Variants in DNAH11 observed in about 807,000 individuals in gnomAD.
DNAH11 encodes the protein dynein axonemal heavy chain 11, also known as axonemal beta dynein heavy chain 11.
A neutral mutation model predicts 526.0 loss-of-function variants in DNAH11; 442 were observed. The observed-to-expected ratio is 0.84, with a 90% CI of 0.78 to 0.91. DNAH11 has a LOEUF of 0.91. Among genes scored for constraint, DNAH11 ranks in the 40% least tolerant of loss-of-function variants. DNAH11 has a pLI of 0.00. For missense variants in DNAH11, 6,989 were observed against 5,448.7 expected (o/e 1.28, Z -8.90); for synonymous variants, 2,461 against 1,935.9 (o/e 1.27, Z -7.12).
rs369261194 is a variant in DNAH11, at chr7:21,842,589, T to A, written c.10737T>A (p.Phe3579Leu). 1 of 1,613,942 alleles carries A rather than the reference T, an allele frequency of 6.2e-7. No homozygotes were observed. Among genetic ancestry groups the A allele is most frequent in the Non-Finnish European group, 8.5e-7 (1 of 1,179,874 alleles). Residue 3579 changes from phenylalanine to leucine, a missense_variant, in exon 66 of 82, where the codon TTT becomes TTA. Phe to Leu is a conservative substitution (Grantham distance 22). Transcript: ENST00000409508. ...AAGAATGTGAATTTAACAAGAACTT[T>A]CGCCTTATCCTTCACACAAAATTGG... Reference protein sequence around the residue: ...GDKECEFNKNFRLILHTKLAN... With the variant: ...GDKECEFNKNLRLILHTKLAN...
Position 21,717,801 on chromosome 7 carries a change from G to A in DNAH11, c.7010G>A (p.Arg2337Lys), listed in dbSNP as rs778482831. 6.2e-7 allele frequency: 1 copy of A among 1,613,812 alleles called. No individual in the cohort carries two copies. Among genetic ancestry groups the A allele is most frequent in the South Asian group, 1.1e-5 (1 of 91,076 alleles). Residue 2337 changes from arginine (R) to lysine (K), a missense_variant, in exon 43 of 82, where the codon AGG (arginine) becomes AAG (lysine). Coordinates refer to ENST00000409508, the MANE Select transcript of DNAH11 (RefSeq NM_001277115.2). ...TATGTGGCCAGTTGGATAGACAGAA[G>A]GCGGCATCAATCAGAAAAGGCCAAT... is the stretch of plus-strand genomic sequence containing the variant. ...NPYVASWIDR[R>K]RHQSEKANLT...
At chr7:21,635,663 TC>T (rs1025332448) in intron 25 of DNAH11, among the ~76,000 whole-genome samples, 2 of 152,178 alleles carry the variant, frequency 1.3e-5, no homozygotes. Context: ...TATCTTTTTT[TC>T]TTTTTGGAAA....
rs537527251 is a variant in DNAH11 at position 21,727,102 on chromosome 7, G to T, written c.7440+1118G>T. Among the ~76,000 whole-genome samples the T allele has an allele frequency of 2.7e-3, 405 of 150,524 alleles. 6 individuals carry two copies. Among genetic ancestry groups the T allele is most frequent in the Non-Finnish European group, 3.0e-3 (206 of 67,612 alleles). ...GTGCCCGCCACCACGCCCGGCTAAT[G>T]TTTTGTATTTTTAGTAGAGACGGGG... On this transcript the variant is annotated intron_variant, in intron 45 of 81. Coordinates refer to ENST00000409508, the MANE Select transcript of DNAH11 (RefSeq NM_001277115.2).
intron 30 of DNAH11, among the ~76,000 whole-genome samples, chr7:21,663,793 G>T (rs949216295): frequency 6.8e-6 from 1 of 146,016 alleles, no homozygotes; most frequent in Non-Finnish European, 1.5e-5. Context: ...GTATTTCATT[G>T]TGTATATTTG....
intron 8 of DNAH11, among the ~76,000 whole-genome samples, chr7:21,581,240 C>G (rs1784296152): frequency 6.6e-6 from 1 of 152,162 alleles, no homozygotes; most frequent in South Asian, 2.1e-4. Context: ...AGACTCAACT[C>G]TGATGCTGTG....
At chr7:21,704,739 T>A in intron 38 of DNAH11, 111 bp downstream of exon 38, 4 of 1,196,324 alleles carry the variant, frequency 3.3e-6, no homozygotes, top group Non-Finnish European at 4.5e-6. Context: ...CTTAATAGGA[T>A]CTTAATATAT....
intron 57 of DNAH11, among the ~76,000 whole-genome samples, chr7:21,783,516 G>A (rs779895119): frequency 2.0e-5 from 3 of 151,988 alleles, no homozygotes; most frequent in Non-Finnish European, 1.5e-5. Flanking sequence ...GTCTCCCATG[G>A]TGGCTAGATC....
At chr7:21,829,646 T>A (rs1790460545) in intron 65 of DNAH11, among the ~76,000 whole-genome samples, 1 of 152,232 alleles carries the variant, frequency 6.6e-6, no homozygotes, top group Non-Finnish European at 1.5e-5. Context: ...AAATGCATTT[T>A]GGTTTTTATA....
intron 54 of DNAH11, among the ~76,000 whole-genome samples, chr7:21,751,435 A>G (rs941262377): frequency 6.6e-6 from 1 of 152,196 alleles, no homozygotes; most frequent in East Asian, 1.9e-4. Flanking sequence ...TAACCAGATA[A>G]TAGATCAGTA....
chr7:21,558,705 A>G, intron 2 of DNAH11, 97 bp from the exon 3 acceptor site: 1 of 854,712 alleles, frequency 1.2e-6, no homozygotes, highest in Non-Finnish European at 1.8e-6. Context: ...GATATTTATG[A>G]AATTGGACAG....
chr7:21,850,069 T>A (rs950269901), intron 66 of DNAH11, among the ~76,000 whole-genome samples: 5 of 151,666 alleles, frequency 3.3e-5, no homozygotes, highest in African/African-American at 9.7e-5. Context: ...GTCAAAAACA[T>A]TCTTCAGCCG....
rs573391311 is a variant in DNAH11, at chr7:21,569,974, C to T, written c.1195-95C>T. On this transcript the variant is annotated intron_variant, in intron 6 of 81. Transcript: ENST00000409508. ...AGCATTGCTGGCCCAACTTTAGATACTGGCATTTAAAAATGATTCTTTGAA... is the reference window on the plus strand; with the variant it reads ...AGCATTGCTGGCCCAACTTTAGATATTGGCATTTAAAAATGATTCTTTGAA... The T allele has an allele frequency of 3.0e-6, 3 of 1,011,466 alleles. No individual in the cohort carries two copies. In the African/African-American group the frequency reaches 4.9e-5, roughly 17 times the overall value. 62.7% of individuals were successfully genotyped at this position (1,011,466 alleles called of 1,614,324 possible). A position where few individuals can be genotyped will look rare whatever the true frequency, so the allele number is the denominator to read the frequency against.
At position 21,899,332 on chromosome 7, in the gene DNAH11, C is replaced by T. The variant is rs778868267; in HGVS notation, c.13050-4C>T. 4.3e-6 allele frequency: 7 copies of T among 1,612,776 alleles called. No homozygotes were observed. Among genetic ancestry groups the T allele is most frequent in the Non-Finnish European group, 5.1e-6 (6 of 1,178,894 alleles). Reference sequence around the variant, plus strand: ...AGTTTTTCTTCCTCCCTCCCATAAACCAGGTTCAATGACCTCCTCCTGCGA... The same window carrying T: ...AGTTTTTCTTCCTCCCTCCCATAAATCAGGTTCAATGACCTCCTCCTGCGA... On this transcript the variant is annotated splice_polypyrimidine_tract_variant and splice_region_variant and intron_variant, in intron 79 of 81. Transcript: ENST00000409508.
intron 28 of DNAH11, among the ~76,000 whole-genome samples, chr7:21,654,376 T>A (rs1474759729): frequency 6.6e-6 from 1 of 152,210 alleles, no homozygotes; most frequent in East Asian, 1.9e-4. Context: ...TCATTTAGCT[T>A]ATATTTTCAA....
chr7:21,769,874 A>G (rs1218019690), intron 55 of DNAH11, among the ~76,000 whole-genome samples: 1 of 151,876 alleles, frequency 6.6e-6, no homozygotes, highest in African/African-American at 2.4e-5. Flanking sequence ...TACCTTTTTC[A>G]ATGACTGCAA....
intron 25 of DNAH11, among the ~76,000 whole-genome samples, chr7:21,634,511 C>T (rs1032046960): frequency 6.6e-6 from 1 of 152,112 alleles, no homozygotes; most frequent in Non-Finnish European, 1.5e-5. Flanking sequence ...CAGTAGAGGT[C>T]ATTGTACTCA....
At chr7:21,637,306 C>A (rs1786912394) in intron 26 of DNAH11, among the ~76,000 whole-genome samples, 1 of 151,826 alleles carries the variant, frequency 6.6e-6, no homozygotes, top group Admixed American at 6.6e-5. Flanking sequence ...TTCTCCCTTC[C>A]TTGTCTCCTT....
At chr7:21,660,950 C>A (rs1267354245) in intron 30 of DNAH11, among the ~76,000 whole-genome samples, 1 of 152,004 alleles carries the variant, frequency 6.6e-6, no homozygotes, top group Non-Finnish European at 1.5e-5. Context: ...TATGGATATA[C>A]CAGAATTTAT....
chr7:21,814,361 T>A (rs1251215328), intron 63 of DNAH11, among the ~76,000 whole-genome samples: 1 of 151,204 alleles, frequency 6.6e-6, no homozygotes, highest in Non-Finnish European at 1.5e-5. Flanking sequence ...TTTTTTTTTA[T>A]TTTTTTATTT....
Sources: gnomAD v4.1 joint callset for allele counts (sites outside exome capture counted in the v4.1 genomes callset) on GRCh38, gnomAD v4.1.1 for gene constraint, MANE v1.5 for transcripts, NCBI Gene and HGNC (gene_info 2026-07-23, HGNC 2026-07-21) for gene names.